LRP1B: variants seen among roughly 807,000 people sequenced by gnomAD.
LRP1B encodes LDL receptor related protein 1B.
Under a neutral mutation model 556.6 loss-of-function variants are expected in LRP1B, and 217 were observed. The ratio of observed to expected loss-of-function variants is 0.39; its 90% CI spans 0.35 to 0.44. The LOEUF (loss-of-function observed/expected upper bound fraction) is 0.44, where lower values mean the gene tolerates loss of function less well. Among genes scored for constraint, LRP1B ranks in the 20% least tolerant of loss-of-function variants. LRP1B has a pLI of 1.00. For synonymous variants in LRP1B, 2,047 were observed against 1,865.8 expected, an observed-to-expected ratio of 1.10 and a Z score of -2.50; for missense variants, 5,053 against 5,620.8, an observed-to-expected ratio of 0.90 and a Z score of 3.23.
intron 41 of LRP1B, among the ~76,000 whole-genome samples, chr2:140,627,985 C>G (rs1353185633): frequency 1.3e-5 from 2 of 152,170 alleles, no homozygotes; most frequent in Non-Finnish European, 2.9e-5. Context: ...AATGAGACTA[C>G]TAATCTGAAC....
intron 2 of LRP1B, among the ~76,000 whole-genome samples, chr2:141,542,541 C>T (rs894500087): frequency 1.3e-5 from 2 of 152,010 alleles, no homozygotes; most frequent in African/African-American, 4.8e-5. Flanking sequence ...ATCTACCATA[C>T]TTCTGATATA....
intron 1 of LRP1B, among the ~76,000 whole-genome samples, chr2:142,017,477 C>A (rs1435629604): frequency 6.6e-6 from 1 of 152,090 alleles, no homozygotes; most frequent in Non-Finnish European, 1.5e-5. Context: ...TAATTCCTAG[C>A]TATGTTTGTC....
At chr2:140,316,849 G>A (rs1406320429) in intron 82 of LRP1B, among the ~76,000 whole-genome samples, 1 of 152,044 alleles carries the variant, frequency 6.6e-6, no homozygotes, top group South Asian at 2.1e-4. Flanking sequence ...AGCCCTTATC[G>A]ACTGTATCTA....
intron 1 of LRP1B, among the ~76,000 whole-genome samples, chr2:142,032,144 A>AT (rs1703733016): frequency 6.6e-6 from 1 of 151,876 alleles, no homozygotes; most frequent in African/African-American, 2.4e-5. Context: ...TAGCAAAGGA[A>AT]TAGAGCATGT....
At position 141,271,475 on chromosome 2, in the gene LRP1B, A is replaced by G. The variant is rs780276427; in HGVS notation, c.344-16834T>C. 4.0e-5 allele frequency among the ~76,000 whole-genome samples: 6 copies of G among 151,850 alleles called. No homozygotes were observed. In the East Asian group the frequency reaches 1.2e-3, roughly 29 times the overall value. On this transcript the variant is annotated intron_variant, in intron 3 of 90. Transcript: ENST00000389484. ...TTGAAGGACAGAGACAAAGAAAAAA[A>G]TTTGAAAGCAGAAAGAGAAAAAAAT...
At chr2:140,837,591 C>T (rs552010346) in intron 31 of LRP1B, among the ~76,000 whole-genome samples, 1 of 140,788 alleles carries the variant, frequency 7.1e-6, no homozygotes, top group African/African-American at 2.7e-5. Flanking sequence ...GTTCAATCAT[C>T]ATCCTTATGC....
intron 49 of LRP1B, among the ~76,000 whole-genome samples, chr2:140,519,826 GA>G (rs1690079803): frequency 6.6e-6 from 1 of 152,086 alleles, no homozygotes; most frequent in Non-Finnish European, 1.5e-5. Flanking sequence ...CTTCTCCAAA[GA>G]AGACATTTAT....
At chr2:141,610,242 C>T (rs189060580) in intron 2 of LRP1B, among the ~76,000 whole-genome samples, 67 of 148,630 alleles carry the variant, frequency 4.5e-4, no homozygotes, top group African/African-American at 1.6e-3. Flanking sequence ...GGGTGCGGCA[C>T]ACCAGCATGA....
At chr2:140,440,747 G>A (rs1686390656) in intron 66 of LRP1B, among the ~76,000 whole-genome samples, 1 of 152,036 alleles carries the variant, frequency 6.6e-6, no homozygotes, top group Admixed American at 6.6e-5. Flanking sequence ...GTATGTATGT[G>A]TGTGTGTGTG....
intron 21 of LRP1B, among the ~76,000 whole-genome samples, chr2:140,919,061 C>T (rs1273085131): frequency 2.0e-5 from 3 of 151,842 alleles, no homozygotes; most frequent in Non-Finnish European, 2.9e-5. Flanking sequence ...TTATTGTAAA[C>T]TTATTTTTCA....
rs188162891 is a variant in LRP1B, at chr2:141,092,681, C to T, written c.1014-30408G>A. Reference sequence around the variant, plus strand: ...AACCACACAGGAAGCTGTGATGGTACAGCTAATGAGATAGAAACAGGGCCA... The same window carrying T: ...AACCACACAGGAAGCTGTGATGGTATAGCTAATGAGATAGAAACAGGGCCA... On this transcript the variant is annotated intron_variant, in intron 7 of 90. Coordinates refer to ENST00000389484, the MANE Select transcript of LRP1B (RefSeq NM_018557.3). Among the ~76,000 whole-genome samples the T allele has an allele frequency of 6.6e-5, 10 of 152,232 alleles. No homozygotes were observed. The East Asian group carries it at 1.7e-3, about 26-fold the overall frequency.
At chr2:141,500,387 T>A (rs906158616) in intron 2 of LRP1B, among the ~76,000 whole-genome samples, 1 of 152,114 alleles carries the variant, frequency 6.6e-6, no homozygotes, top group African/African-American at 2.4e-5. Context: ...AAAATAAACC[T>A]TTCTCCTGTT....
At chr2:140,501,207 C>T (rs1689170183) in intron 55 of LRP1B, among the ~76,000 whole-genome samples, 1 of 151,826 alleles carries the variant, frequency 6.6e-6, no homozygotes, top group African/African-American at 2.4e-5. Flanking sequence ...ACACTAAGTC[C>T]TAATAATTCA....
chr2:141,333,193 CA>C (rs909592975), intron 3 of LRP1B, among the ~76,000 whole-genome samples: 99 of 152,234 alleles, frequency 6.5e-4, no homozygotes, highest in African/African-American at 2.3e-3. Flanking sequence ...CATTTTTCTA[CA>C]ACTGACATTC....
rs113523586 is a variant in LRP1B at position 141,188,276 on chromosome 2, C to T, written c.1013+145G>A. 2.5e-5 allele frequency: 19 copies of T among 753,410 alleles called. No homozygotes were observed. In the South Asian group the frequency reaches 2.9e-4, roughly 12 times the overall value. 46.7% of individuals were successfully genotyped at this position (753,410 alleles called of 1,614,324 possible). On this transcript the variant is annotated intron_variant, in intron 7 of 90. Coordinates refer to ENST00000389484, the MANE Select transcript of LRP1B (RefSeq NM_018557.3). Reference sequence around the variant, plus strand: ...GCCTGGTGAGTTATAGCCTTTTTTCCTTCCTGCGACACAGTTGTTAAAATC... The same window carrying T: ...GCCTGGTGAGTTATAGCCTTTTTTCTTTCCTGCGACACAGTTGTTAAAATC...
intron 41 of LRP1B, among the ~76,000 whole-genome samples, chr2:140,652,841 T>A (rs1410106585): frequency 6.6e-6 from 1 of 152,116 alleles, no homozygotes; most frequent in African/African-American, 2.4e-5. Flanking sequence ...TTTGTGAGAT[T>A]ACTGAAACCA....
chr2:140,508,030 T>C (rs930656344), intron 52 of LRP1B, among the ~76,000 whole-genome samples: 1 of 152,162 alleles, frequency 6.6e-6, no homozygotes, highest in African/African-American at 2.4e-5. Context: ...CCTATTTATA[T>C]AATAATTATT....
At chr2:140,577,130 G>A (rs751702058) in intron 43 of LRP1B, among the ~76,000 whole-genome samples, 8 of 152,116 alleles carry the variant, frequency 5.3e-5, no homozygotes, top group Admixed American at 1.3e-4. Context: ...GCCACTGGAA[G>A]ATAGAGAGGT....
chr2:141,688,836 C>T (rs1051488893), intron 2 of LRP1B, among the ~76,000 whole-genome samples: 1 of 151,720 alleles, frequency 6.6e-6, no homozygotes, highest in Non-Finnish European at 1.5e-5. Context: ...CTTTCTTTAC[C>T]TAGGATGGAT....
Sources: gnomAD v4.1 joint callset for allele counts (sites outside exome capture counted in the v4.1 genomes callset) on GRCh38, gnomAD v4.1.1 for gene constraint, MANE v1.5 for transcripts, NCBI Gene and HGNC (gene_info 2026-07-23, HGNC 2026-07-21) for gene names.